NPAS3: variants seen among roughly 807,000 people sequenced by gnomAD.
The protein encoded by NPAS3 is neuronal PAS domain-containing protein 3.
In NPAS3, 14 loss-of-function variants were observed where a neutral mutation model predicts 73.1. The observed-to-expected ratio is 0.19, with a 90% CI of 0.13 to 0.30. NPAS3 has a LOEUF of 0.30. Ranked by LOEUF, NPAS3 falls within the 10% of genes least tolerant of loss-of-function variation. The pLI is 1.00. For missense variants in NPAS3, 1,096 were observed against 1,250.0 expected (o/e 0.88, Z 1.86); for synonymous variants, 620 against 541.5 (o/e 1.14, Z -2.01).
chr14:33,541,399 C>T lies in NPAS3; in HGVS notation c.469-18722C>T, dbSNP rs73269032. The stretch of plus-strand genomic sequence containing the variant: ...CTGTGTTCACCAACAGAGTAAATGC[C>T]GCTTAAAGCTGTCATATTGGCAAGA... On this transcript the variant is annotated intron_variant, in intron 4 of 11. Transcript: ENST00000356141. Among the ~76,000 whole-genome samples the T allele has an allele frequency of 4.8e-3, 733 of 152,210 alleles. 6 individuals are homozygous for T. The highest frequency in any genetic ancestry group is 0.016 in the African/African-American group (683 of 41,524).
At chr14:33,312,735 T>A (rs1431511636) in intron 3 of NPAS3, among the ~76,000 whole-genome samples, 1 of 152,078 alleles carries the variant, frequency 6.6e-6, no homozygotes, top group African/African-American at 2.4e-5. Flanking sequence ...GTACGTGGTA[T>A]AATTAGCATT....
At chr14:33,272,235 G>T (rs867854671) in intron 3 of NPAS3, among the ~76,000 whole-genome samples, 1 of 152,056 alleles carries the variant, frequency 6.6e-6, no homozygotes, top group Non-Finnish European at 1.5e-5. Flanking sequence ...AGACTCAGTC[G>T]CTGTACATTT....
At chr14:33,351,435 T>C (rs2045047165) in intron 3 of NPAS3, among the ~76,000 whole-genome samples, 1 of 152,220 alleles carries the variant, frequency 6.6e-6, no homozygotes, top group African/African-American at 2.4e-5. Context: ...ATTTTTGTAG[T>C]AGGAGTGCTT....
chr14:33,731,423 G>GAAA (rs11322471), intron 6 of NPAS3, among the ~76,000 whole-genome samples: 2 of 121,614 alleles, frequency 1.6e-5, no homozygotes, highest in African/African-American at 6.2e-5. Flanking sequence ...TGTCTCATTT[G>GAAA]AAAAAAAAAA....
Position 33,800,039 on chromosome 14 carries a change from G to C in NPAS3, c.1732G>C (p.Asp578His). Residue 578 changes from aspartate to histidine, a missense_variant, in exon 12 of 12, where the codon GAC becomes CAC. Transcript: ENST00000356141. This position sits in a 1 kb window ranked among gnomAD's most constrained non-coding sequence, Gnocchi z 6.5. ...GCAGAACTGCGAGTCACTCACGTCC[G>C]ACAGCGCCAAGGACTCGGACAGCGC... is the stretch of plus-strand genomic sequence containing the variant. The C allele has an allele frequency of 1.2e-6, 2 of 1,608,978 alleles. No homozygotes were observed. Among genetic ancestry groups the C allele is most frequent in the Non-Finnish European group, 1.7e-6 (2 of 1,179,420 alleles).
At chr14:33,304,634 C>T (rs1440245471) in intron 3 of NPAS3, among the ~76,000 whole-genome samples, 3 of 151,944 alleles carry the variant, frequency 2.0e-5, no homozygotes, top group Non-Finnish European at 2.9e-5. Context: ...ATTTTCTAAG[C>T]ATATGTTCAG....
At chr14:33,185,494 C>A (rs2045946109) in intron 2 of NPAS3, among the ~76,000 whole-genome samples, 1 of 152,180 alleles carries the variant, frequency 6.6e-6, no homozygotes, top group Non-Finnish European at 1.5e-5. Context: ...TATCAAATAT[C>A]ATTTCCTCCT....
At chr14:33,480,654 G>A (rs968500763) in intron 4 of NPAS3, among the ~76,000 whole-genome samples, 2 of 150,830 alleles carry the variant, frequency 1.3e-5, no homozygotes, top group African/African-American at 4.9e-5. Context: ...AGGATGGCCT[G>A]TTGTCTTCCC....
downstream of NPAS3, chr14:33,803,670 C>T (rs749104176): frequency 1.4e-5 from 2 of 146,624 alleles, no homozygotes; most frequent in Non-Finnish European, 3.0e-5. Context: ...CAGATAATCA[C>T]AGCTGCTGTC....
chr14:33,294,570 G>A (rs1381434378), intron 3 of NPAS3, among the ~76,000 whole-genome samples: 1 of 152,084 alleles, frequency 6.6e-6, no homozygotes, highest in Admixed American at 6.6e-5. Context: ...TGAAATCAGG[G>A]ATAGTATTTG....
intron 2 of NPAS3, among the ~76,000 whole-genome samples, chr14:33,099,036 C>T (rs543847369): frequency 1.3e-5 from 2 of 152,306 alleles, no homozygotes; most frequent in South Asian, 4.1e-4. Context: ...AACCTTGCGG[C>T]CTTTTTCCAA....
At chr14:33,139,237 T>G (rs2043954239) in intron 2 of NPAS3, among the ~76,000 whole-genome samples, 1 of 152,200 alleles carries the variant, frequency 6.6e-6, no homozygotes, top group Non-Finnish European at 1.5e-5. Context: ...ATTTTGAGAC[T>G]GTTCACATGT....
intron 6 of NPAS3, among the ~76,000 whole-genome samples, chr14:33,678,316 A>G (rs1162955818): frequency 6.6e-6 from 1 of 152,100 alleles, no homozygotes; most frequent in African/African-American, 2.4e-5. Flanking sequence ...CTTCCCACTG[A>G]TCCAAGGTCT....
intron 1 of NPAS3, among the ~76,000 whole-genome samples, chr14:32,956,895 A>T (rs539556357): frequency 2.0e-5 from 3 of 152,328 alleles, no homozygotes; most frequent in Non-Finnish European, 2.9e-5. Flanking sequence ...CTGCTCTATA[A>T]CACAGTTAGA....
In NPAS3 at chr14:32,994,630, G is replaced by GTTT. The variant is rs777136450; in HGVS notation, c.50+55267_50+55269dup. 8.2e-4 allele frequency among the ~76,000 whole-genome samples: 101 copies of GTTT among 123,600 alleles called. 1 individual carries two copies. The highest frequency in any genetic ancestry group is 8.3e-3 in the Middle Eastern group (2 of 242). The allele number at this position is 123,600 out of a possible 152,430, so 81.1% of individuals were successfully genotyped here. A position where few individuals can be genotyped will look rare whatever the true frequency, so the allele number is the denominator to read the frequency against. ...ATTCTAGTTTTTTGTTTGTTTGTTT[G>GTTT]TTTTTGTTTTTTTTTTTTTGAGACA... On this transcript the variant is annotated intron_variant, in intron 1 of 11. Coordinates refer to ENST00000356141, the Ensembl canonical transcript of NPAS3.
chr14:33,684,266 A>ATAATC (rs2060024677), intron 6 of NPAS3, among the ~76,000 whole-genome samples: 2 of 151,958 alleles, frequency 1.3e-5, no homozygotes, highest in Non-Finnish European at 2.9e-5. Context: ...TAGAACTAAA[A>ATAATC]TAATCTAATC....
chr14:33,003,057 G>A (rs939668683), intron 1 of NPAS3, among the ~76,000 whole-genome samples: 1 of 150,800 alleles, frequency 6.6e-6, no homozygotes, highest in Non-Finnish European at 1.5e-5. Context: ...GATTTCATTC[G>A]TAATTTTTGT....
chr14:33,773,279 C>CA (rs758682921), intron 7 of NPAS3, among the ~76,000 whole-genome samples: 4 of 152,266 alleles, frequency 2.6e-5, no homozygotes, highest in Non-Finnish European at 5.9e-5. Context: ...CACATATGGA[C>CA]ACTCAGCCAC....
At chr14:33,251,400 TA>T (rs1446681887) in intron 3 of NPAS3, among the ~76,000 whole-genome samples, 1 of 152,084 alleles carries the variant, frequency 6.6e-6, no homozygotes, top group Non-Finnish European at 1.5e-5. Flanking sequence ...CAAATGTGGC[TA>T]AGAGGGCATT....
Sources: gnomAD v4.1 joint callset for allele counts (sites outside exome capture counted in the v4.1 genomes callset) on GRCh38, gnomAD v4.1.1 for gene constraint, Gnocchi (gnomAD v3.1) non-coding constraint, MANE v1.5 for transcripts, NCBI Gene and HGNC (gene_info 2026-07-23, HGNC 2026-07-21) for gene names.